Variants in ZWILCH observed in about 807,000 individuals in gnomAD.
The protein encoded by ZWILCH is protein zwilch homolog.
A neutral mutation model predicts 79.9 loss-of-function variants in ZWILCH; 74 were observed. The ratio of observed to expected loss-of-function variants is 0.93; its 90% CI spans 0.77 to 1.12. The LOEUF (loss-of-function observed/expected upper bound fraction) is 1.12, where lower values mean the gene tolerates loss of function less well. Among genes scored for constraint, ZWILCH ranks in the 50% most tolerant of loss-of-function variants. The pLI is 0.00. For synonymous variants in ZWILCH, 241 were observed against 228.2 expected (o/e 1.06, Z -0.51); for missense variants, 694 against 687.5 (o/e 1.01, Z -0.11).
intron 14 of ZWILCH, 117 bp downstream of exon 14, chr15:66,533,130 TA>T: frequency 1.6e-6 from 1 of 606,412 alleles, no homozygotes; most frequent in Middle Eastern, 3.5e-4. Flanking sequence ...AATGGATAAA[TA>T]AGACAGTCAG....
chr15:66,517,430 G>GTGTGTGTGTGTGTGTGTATATATATA lies in ZWILCH; in HGVS notation c.321-1448_321-1447insGTGTGTGTGTGTGTGTATATATATAT. Among the ~76,000 whole-genome samples, 198 of 66,450 alleles carry GTGTGTGTGTGTGTGTGTATATATATA rather than the reference G, an allele frequency of 3.0e-3. 2 individuals are homozygous for GTGTGTGTGTGTGTGTGTATATATATA. The highest frequency in any genetic ancestry group is 3.7e-3 in the Non-Finnish European group (127 of 34,032). 43.6% of individuals were successfully genotyped at this position (66,450 alleles called of 152,430 possible). On this transcript the variant is annotated intron_variant, in intron 4 of 18. Transcript: ENST00000307897. The stretch of plus-strand genomic sequence containing the variant: ...TGTTTGTGTGTGCGTGTGTGTGTGT[G>GTGTGTGTGTGTGTGTGTATATATATA]TATATATATATATATATATATATAT...
At position 66,509,822 on chromosome 15, in the gene ZWILCH, CATATATATATATAT is replaced by C. The variant is rs201725734; in HGVS notation, c.105+965_105+978del. Among the ~76,000 whole-genome samples the C allele has an allele frequency of 8.6e-3, 767 of 88,952 alleles. 17 individuals carry two copies. The highest frequency in any genetic ancestry group is 0.026 in the Middle Eastern group (4 of 156). The allele number at this position is 88,952 out of a possible 152,430, so 58.4% of individuals were successfully genotyped here. ...CTATAATTATGTGTGTGTGTGGCTACATATATATATATATATATATATATATATATATATATATA... is the reference window on the plus strand; with the variant it reads ...CTATAATTATGTGTGTGTGTGGCTACATATATATATATATATATATATATA... On this transcript the variant is annotated intron_variant, in intron 2 of 18. Coordinates refer to ENST00000307897, the MANE Select transcript of ZWILCH (RefSeq NM_017975.5).
intron 1 of ZWILCH, among the ~76,000 whole-genome samples, chr15:66,506,652 T>A (rs1051323172): frequency 2.0e-5 from 3 of 151,880 alleles, no homozygotes; most frequent in African/African-American, 7.3e-5. Flanking sequence ...CAAGGCTCTG[T>A]CTCTAAAATA....
At chr15:66,523,596 A>T (rs1298488276) in intron 7 of ZWILCH, 81 bp from the exon 8 acceptor site, 1 of 849,490 alleles carries the variant, frequency 1.2e-6, no homozygotes, top group East Asian at 2.4e-5. Flanking sequence ...TGTGAAAGAT[A>T]GTTTGAAATG....
intron 2 of ZWILCH, among the ~76,000 whole-genome samples, chr15:66,509,904 C>T (rs1239894339): frequency 2.3e-5 from 3 of 132,800 alleles, no homozygotes; most frequent in South Asian, 2.3e-4. Context: ...TGGCTGGGCA[C>T]GATGGCTCAT....
At position 66,550,045 on chromosome 15, in the gene ZWILCH, A is replaced by C. The variant is rs111724689; in HGVS notation, c.*1721A>C. ...CATTGAAATATACTGACTCACCTGCAGCAAGCATCTGATTGTTGATAGAGC... is the reference window on the plus strand; with the variant it reads ...CATTGAAATATACTGACTCACCTGCCGCAAGCATCTGATTGTTGATAGAGC... On this transcript the variant is annotated 3_prime_UTR_variant, in exon 19 of 19. Transcript: ENST00000307897. The C allele has an allele frequency of 1.2e-6, 2 of 1,600,272 alleles. No individual in the cohort carries two copies. Among genetic ancestry groups the C allele is most frequent in the Admixed American group, 3.5e-5 (2 of 57,832 alleles).
chr15:66,519,330 T>C (rs1894405849), intron 5 of ZWILCH, among the ~76,000 whole-genome samples: 1 of 152,238 alleles, frequency 6.6e-6, no homozygotes, highest in South Asian at 2.1e-4. Flanking sequence ...TTTATTTCTA[T>C]GTGTATATTA....
intron 1 of ZWILCH, among the ~76,000 whole-genome samples, chr15:66,506,526 G>A (rs796486103): frequency 6.6e-6 from 1 of 152,200 alleles, no homozygotes; most frequent in African/African-American, 2.4e-5. Flanking sequence ...AAAATTAGCC[G>A]GGCATGGTGG....
chr15:66,532,138 T>C, intron 12 of ZWILCH, 109 bp from the exon 13 acceptor site: 1 of 799,294 alleles, frequency 1.3e-6, no homozygotes, highest in Non-Finnish European at 1.9e-6. Context: ...AGACTAGGAA[T>C]GCAAGCTTAT....
chr15:66,532,774 A>G (rs1006261332), intron 13 of ZWILCH, among the ~76,000 whole-genome samples: 2 of 151,970 alleles, frequency 1.3e-5, no homozygotes, highest in African/African-American at 4.8e-5. Flanking sequence ...GTATATATTT[A>G]TGGTATAATA....
At chr15:66,507,064 T>C (rs1289335467) in intron 1 of ZWILCH, among the ~76,000 whole-genome samples, 1 of 152,162 alleles carries the variant, frequency 6.6e-6, no homozygotes, top group Non-Finnish European at 1.5e-5. Flanking sequence ...GGTTTCACCA[T>C]GTTGGCCAGG....
At chr15:66,529,095 C>G in intron 11 of ZWILCH, 138 bp downstream of exon 11, 1 of 646,596 alleles carries the variant, frequency 1.5e-6, no homozygotes, top group South Asian at 2.0e-5. Flanking sequence ...TTTCTAATGA[C>G]ACATTGGTGC....
At chr15:66,537,375 T>A in intron 16 of ZWILCH, 112 bp downstream of exon 16, 1 of 675,796 alleles carries the variant, frequency 1.5e-6, no homozygotes, top group Non-Finnish European at 2.5e-6. Flanking sequence ...CTGGGCAACA[T>A]AATGAGACCC....
chr15:66,512,555 A>C (rs112940039), intron 2 of ZWILCH, among the ~76,000 whole-genome samples: 1 of 151,868 alleles, frequency 6.6e-6, no homozygotes, highest in Non-Finnish European at 1.5e-5. Flanking sequence ...GCATATATTT[A>C]TATTTAAACA....
rs1895004228 is a variant in ZWILCH at position 66,536,008 on chromosome 15, A to G, written c.1417A>G (p.Ile473Val). The G allele has an allele frequency of 6.2e-7, 1 of 1,613,082 alleles. No individual in the cohort carries two copies. The highest frequency in any genetic ancestry group is 1.3e-5 in the African/African-American group (1 of 75,012). Reference protein sequence around the residue: ...RVQKLHHILEILVSCMPFIKS... With the variant: ...RVQKLHHILEVLVSCMPFIKS... ...CCAAAAACTCCACCATATTCTAGAA[A>G]TATTAGTCAGTTGCATGCCTTTCAT... Residue 473 changes from isoleucine (I) to valine (V), a missense_variant, in exon 15 of 19, where the codon ATA becomes GTA. By Grantham distance (29) the Ile-to-Val change is conservative. Transcript: ENST00000307897.
chr15:66,506,848 C>A (rs1413011717), intron 1 of ZWILCH, among the ~76,000 whole-genome samples: 1 of 150,138 alleles, frequency 6.7e-6, no homozygotes, highest in Non-Finnish European at 1.5e-5. Context: ...ATTGATACAA[C>A]TTTATTTAGA....
At chr15:66,516,172 G>A (rs1199000730) in intron 4 of ZWILCH, among the ~76,000 whole-genome samples, 5 of 152,204 alleles carry the variant, frequency 3.3e-5, no homozygotes, top group African/African-American at 4.8e-5. Flanking sequence ...CACCTGCGCC[G>A]TGGATGGTAA....
intron 10 of ZWILCH, 140 bp downstream of exon 10, chr15:66,528,052 A>G: frequency 2.0e-6 from 1 of 509,840 alleles, no homozygotes; most frequent in African/African-American, 2.0e-5. Flanking sequence ...GTTGATCTTT[A>G]TTGTCAGCAC....
chr15:66,545,651 C>T (rs998767428), intron 17 of ZWILCH, among the ~76,000 whole-genome samples: 21 of 152,140 alleles, frequency 1.4e-4, no homozygotes, highest in African/African-American at 4.3e-4. Context: ...TTGGCTTGAA[C>T]TTTATAACCT....
Sources: allele counts gnomAD v4.1 joint callset (sites outside exome capture counted in the v4.1 genomes callset), GRCh38; gene constraint gnomAD v4.1.1; transcripts MANE v1.5; gene names NCBI Gene and HGNC (gene_info 2026-07-23, HGNC 2026-07-21).